The following HSD17B12 variants were observed in gnomAD, a reference collection of about 807,000 sequenced individuals.
The protein encoded by HSD17B12 is hydroxysteroid 17-beta dehydrogenase 12.
A neutral mutation model predicts 39.3 loss-of-function variants in HSD17B12; 32 were observed. That is an observed-to-expected ratio of 0.81 (90% CI 0.61 to 1.09). The LOEUF is 1.09. Ranked by LOEUF, HSD17B12 falls within the 50% of genes least tolerant of loss-of-function variation. The probability of loss-of-function intolerance (pLI) is 0.00; values close to 1 mark genes in which losing one functional copy is unlikely to be tolerated. For missense variants in HSD17B12, 342 were observed against 382.9 expected (o/e 0.89, Z 0.89); for synonymous variants, 150 against 146.7 (o/e 1.02, Z -0.16).
chr11:43,708,310 GT>G (rs1950033982), intron 1 of HSD17B12, among the ~76,000 whole-genome samples: 1 of 152,092 alleles, frequency 6.6e-6, no homozygotes, highest in African/African-American at 2.4e-5. Flanking sequence ...ATAGGCTATT[GT>G]TTTACACATC....
At chr11:43,842,150 C>T (rs1951432778) in intron 9 of HSD17B12, among the ~76,000 whole-genome samples, 1 of 152,170 alleles carries the variant, frequency 6.6e-6, no homozygotes, top group African/African-American at 2.4e-5. Context: ...CATCTGTGCT[C>T]AGGGAGTGAT....
intron 9 of HSD17B12, among the ~76,000 whole-genome samples, chr11:43,845,052 G>A (rs1466958817): frequency 6.6e-6 from 1 of 152,166 alleles, no homozygotes; most frequent in Non-Finnish European, 1.5e-5. Flanking sequence ...GGAGTGTAGT[G>A]GAGCTATCAT....
At chr11:43,567,596 T>C in the HSD17B12 span, among the ~76,000 whole-genome samples, 1 of 152,206 alleles carries the variant, frequency 6.6e-6, no homozygotes, top group African/African-American at 2.4e-5. Context: ...GGCTCTTTGA[T>C]AGAAATCCAT....
At chr11:43,773,212 T>C (rs1475441424) in intron 3 of HSD17B12, among the ~76,000 whole-genome samples, 1 of 152,214 alleles carries the variant, frequency 6.6e-6, no homozygotes, top group Non-Finnish European at 1.5e-5. Context: ...GAAAAATATT[T>C]TGTGGTTTAT....
chr11:43,777,197 A>G (rs1950714959), intron 3 of HSD17B12, among the ~76,000 whole-genome samples: 1 of 151,644 alleles, frequency 6.6e-6, no homozygotes, highest in Non-Finnish European at 1.5e-5. Context: ...TGCCTTGGGC[A>G]GTATGGCCAT....
the HSD17B12 span, among the ~76,000 whole-genome samples, chr11:43,592,708 C>T: frequency 1.3e-5 from 2 of 152,056 alleles, no homozygotes; most frequent in African/African-American, 4.8e-5. Flanking sequence ...GGGTCTTTTT[C>T]CATCCTTCCT....
chr11:43,698,241 C>T (rs1169492832), intron 1 of HSD17B12, among the ~76,000 whole-genome samples: 1 of 152,114 alleles, frequency 6.6e-6, no homozygotes, highest in East Asian at 1.9e-4. Flanking sequence ...TAAGAGAGAT[C>T]AGGCTTTGGG....
chr11:43,617,861 G>T, the HSD17B12 span, among the ~76,000 whole-genome samples: 1 of 152,164 alleles, frequency 6.6e-6, no homozygotes, highest in African/African-American at 2.4e-5. Flanking sequence ...CCGTCTGCAA[G>T]GTTCGTGATT....
intron 1 of HSD17B12, among the ~76,000 whole-genome samples, chr11:43,687,383 A>G (rs889683045): frequency 1.2e-4 from 19 of 152,350 alleles, no homozygotes; most frequent in Middle Eastern, 6.8e-3. Flanking sequence ...CAATGGGATG[A>G]CAAACAGTAA....
intron 3 of HSD17B12, among the ~76,000 whole-genome samples, chr11:43,784,390 T>C (rs1046009109): frequency 1.3e-5 from 2 of 150,276 alleles, no homozygotes; most frequent in Non-Finnish European, 3.0e-5. Context: ...CATCTGGCTA[T>C]TTATCTTCTT....
At chr11:43,683,033 C>T (rs939576629) in intron 1 of HSD17B12, among the ~76,000 whole-genome samples, 1 of 151,776 alleles carries the variant, frequency 6.6e-6, no homozygotes, top group African/African-American at 2.4e-5. Flanking sequence ...ATCAAGCAAT[C>T]CTCCTGCTTC....
upstream of HSD17B12, among the ~76,000 whole-genome samples, chr11:43,680,234 C>T (rs12224705): frequency 0.17 from 25,769 of 151,736 alleles, 2,482 homozygotes; most frequent in Middle Eastern, 0.25. Flanking sequence ...CCACCACGCC[C>T]GGCTAATTTT....
the HSD17B12 span, among the ~76,000 whole-genome samples, chr11:43,601,852 T>C: frequency 6.6e-6 from 1 of 152,366 alleles, no homozygotes; most frequent in Admixed American, 6.5e-5. Context: ...GTTTAGAATG[T>C]TCAGTGAGAA....
chr11:43,757,658 A>AAAAC (rs1950521346), intron 3 of HSD17B12, among the ~76,000 whole-genome samples: 1 of 144,004 alleles, frequency 6.9e-6, no homozygotes, highest in African/African-American at 2.6e-5. Context: ...AAAAAAAAAA[A>AAAAC]AAAAAAAAAC....
chr11:43,824,887 T>C (rs967289335), intron 6 of HSD17B12, among the ~76,000 whole-genome samples: 2 of 152,180 alleles, frequency 1.3e-5, no homozygotes, highest in African/African-American at 4.8e-5. Flanking sequence ...TCCCAGCTAC[T>C]CAGGAGGCTG....
the HSD17B12 span, among the ~76,000 whole-genome samples, chr11:43,607,279 AGTGTGTGTGTGT>A: frequency 1.0e-4 from 15 of 145,388 alleles, no homozygotes; most frequent in African/African-American, 2.3e-4. Context: ...TGTGCTCCTG[AGTGTGTGTGTGT>A]GTGTGTGTGT....
At chr11:43,560,898 G>T in the HSD17B12 span, among the ~76,000 whole-genome samples, 12 of 152,182 alleles carry the variant, frequency 7.9e-5, no homozygotes, top group South Asian at 2.1e-3. Flanking sequence ...ATCTTCCTTC[G>T]TCAAGCGAAT....
At chr11:43,771,043 T>C (rs1950644154) in intron 3 of HSD17B12, among the ~76,000 whole-genome samples, 1 of 152,210 alleles carries the variant, frequency 6.6e-6, no homozygotes, top group African/African-American at 2.4e-5. Context: ...TACAGGTTAG[T>C]GAGTGATTAG....
intron 4 of HSD17B12, among the ~76,000 whole-genome samples, chr11:43,812,176 A>C (rs1342889586): frequency 6.6e-6 from 1 of 152,214 alleles, no homozygotes; most frequent in Non-Finnish European, 1.5e-5. Context: ...ATGCTGCAAT[A>C]AACACGGGGG....
Sources: gnomAD v4.1 joint callset for allele counts (sites outside exome capture counted in the v4.1 genomes callset) on GRCh38, gnomAD v4.1.1 for gene constraint, MANE v1.5 for transcripts, NCBI Gene and HGNC (gene_info 2026-07-23, HGNC 2026-07-21) for gene names.